GRIK2: variants seen among roughly 807,000 people sequenced by gnomAD.
GRIK2 encodes the protein glutamate ionotropic receptor kainate type subunit 2.
In GRIK2, 32 loss-of-function variants were observed where a neutral mutation model predicts 100.3. That is an observed-to-expected ratio of 0.32 (90% CI 0.24 to 0.43). The LOEUF (loss-of-function observed/expected upper bound fraction) is 0.43. Among genes scored for constraint, GRIK2 ranks in the 20% least tolerant of loss-of-function variants. The pLI is 1.00. For synonymous variants in GRIK2, 417 were observed against 389.4 expected (o/e 1.07, Z -0.83); for missense variants, 843 against 1,114.9 (o/e 0.76, Z 3.47).
intron 7 of GRIK2, among the ~76,000 whole-genome samples, chr6:101,790,478 T>C (rs888077872): frequency 2.3e-4 from 35 of 151,324 alleles, no homozygotes; most frequent in African/African-American, 7.8e-4. Context: ...GTGGTTTTTG[T>C]CTTTGGCTCT....
intron 2 of GRIK2, among the ~76,000 whole-genome samples, chr6:101,444,634 A>G (rs1770261767): frequency 6.6e-6 from 1 of 152,096 alleles, no homozygotes; most frequent in Non-Finnish European, 1.5e-5. Context: ...TTTGTTTATT[A>G]AGTAAAAATT....
intron 2 of GRIK2, among the ~76,000 whole-genome samples, chr6:101,597,873 T>C (rs898688542): frequency 4.6e-5 from 7 of 151,872 alleles, no homozygotes; most frequent in Admixed American, 2.6e-4. Flanking sequence ...GATTCTGTCC[T>C]GCGGTGGCGC....
intron 14 of GRIK2, among the ~76,000 whole-genome samples, chr6:101,940,987 T>C (rs933886901): frequency 1.3e-5 from 2 of 152,170 alleles, no homozygotes; most frequent in Non-Finnish European, 1.5e-5. Flanking sequence ...TTATAGAGCA[T>C]GTGATTTGTG....
chr6:101,761,813 CTTCTT>C (rs1453900480), intron 7 of GRIK2, among the ~76,000 whole-genome samples: 3 of 135,214 alleles, frequency 2.2e-5, no homozygotes, highest in Non-Finnish European at 4.7e-5. Context: ...TCCTTCCTTC[CTTCTT>C]TTCTTTTCTT....
chr6:101,848,515 A>C (rs749166492), intron 10 of GRIK2, among the ~76,000 whole-genome samples: 2 of 152,178 alleles, frequency 1.3e-5, no homozygotes, highest in Middle Eastern at 3.2e-3. Flanking sequence ...AAATTGGTGG[A>C]TGAATGGATG....
chr6:101,715,633 G>A (rs574122029), intron 7 of GRIK2, among the ~76,000 whole-genome samples: 2 of 151,802 alleles, frequency 1.3e-5, no homozygotes, highest in East Asian at 3.9e-4. Flanking sequence ...CTAGGTATGT[G>A]GGAGTTTTTA....
chr6:102,022,397 T>C (rs1769475267), intron 14 of GRIK2, among the ~76,000 whole-genome samples: 1 of 151,726 alleles, frequency 6.6e-6, no homozygotes, highest in South Asian at 2.1e-4. Flanking sequence ...TCTGTGACTA[T>C]ACTTTGAGAG....
chr6:101,661,518 G>A (rs1769610836), intron 4 of GRIK2, among the ~76,000 whole-genome samples: 1 of 151,926 alleles, frequency 6.6e-6, no homozygotes. Context: ...GTGTCACTGT[G>A]GTAAGAAAAA....
At chr6:101,637,256 GT>G (rs1781067075) in intron 4 of GRIK2, among the ~76,000 whole-genome samples, 1 of 151,954 alleles carries the variant, frequency 6.6e-6, no homozygotes, top group Non-Finnish European at 1.5e-5. Flanking sequence ...ATTTTCAGTT[GT>G]TTGTACTGAC....
chr6:101,988,498 T>C (rs1164140901), intron 14 of GRIK2, among the ~76,000 whole-genome samples: 1 of 151,816 alleles, frequency 6.6e-6, no homozygotes, highest in African/African-American at 2.4e-5. Flanking sequence ...CTGCACTGCC[T>C]AAATTGAATT....
intron 2 of GRIK2, among the ~76,000 whole-genome samples, chr6:101,439,734 A>G (rs1051682717): frequency 1.8e-4 from 28 of 152,298 alleles, no homozygotes; most frequent in Middle Eastern, 3.4e-3. Flanking sequence ...GAAAATATCT[A>G]TATAAGATAT....
rs192922257 is a variant in GRIK2 at position 101,459,501 on chromosome 6, C to T, written c.115+60109C>T. On this transcript the variant is annotated intron_variant, in intron 2 of 16. Coordinates refer to ENST00000369134, the MANE Select transcript of GRIK2 (RefSeq NM_021956.5). ...TAGTTCTAGTCATAGACAGAAGCTA[C>T]GCATTTTTTTAGAAGGTACAGCTTA... is the stretch of plus-strand genomic sequence containing the variant. Among the ~76,000 whole-genome samples, 29 of 152,220 alleles carry T rather than the reference C, an allele frequency of 1.9e-4. No individual in the cohort carries two copies. In the East Asian group the frequency reaches 3.3e-3, roughly 17 times the overall value.
intron 2 of GRIK2, among the ~76,000 whole-genome samples, chr6:101,568,926 C>CG (rs1554221173): frequency 1.1e-4 from 17 of 152,016 alleles, no homozygotes; most frequent in African/African-American, 4.1e-4. Flanking sequence ...TTCCTTTTCA[C>CG]ATGAAAATAA....
At chr6:101,706,766 G>T (rs1773327545) in intron 7 of GRIK2, among the ~76,000 whole-genome samples, 1 of 151,876 alleles carries the variant, frequency 6.6e-6, no homozygotes. Flanking sequence ...GTACAGGAAT[G>T]GTCTTGTTCT....
chr6:101,545,801 G>C (rs1294611912), intron 2 of GRIK2, among the ~76,000 whole-genome samples: 6 of 152,094 alleles, frequency 3.9e-5, no homozygotes, highest in African/African-American at 1.4e-4. Flanking sequence ...ATTTTCTAAT[G>C]ATATATTTGA....
chr6:102,043,297 AATTT>A (rs1359625543), intron 15 of GRIK2, among the ~76,000 whole-genome samples: 4 of 151,802 alleles, frequency 2.6e-5, no homozygotes, highest in Non-Finnish European at 4.4e-5. Flanking sequence ...GAACATTTGA[AATTT>A]ATTAGAATTT....
chr6:101,843,418 C>T (rs1286517437), intron 10 of GRIK2, among the ~76,000 whole-genome samples: 4 of 152,156 alleles, frequency 2.6e-5, no homozygotes, highest in African/African-American at 9.7e-5. Context: ...GAGTCATTTT[C>T]CCTCTTCAAA....
intron 14 of GRIK2, among the ~76,000 whole-genome samples, chr6:101,973,745 C>T (rs1023294250): frequency 1.3e-5 from 2 of 151,878 alleles, no homozygotes; most frequent in Non-Finnish European, 2.9e-5. Context: ...CAGTGTTACT[C>T]AAAGTTCATT....
chr6:101,737,560 T>A (rs1163942561), intron 7 of GRIK2, among the ~76,000 whole-genome samples: 1 of 152,080 alleles, frequency 6.6e-6, no homozygotes, highest in Non-Finnish European at 1.5e-5. Context: ...GGAGAGAGAC[T>A]CGCCCCAATG....
Sources: gnomAD v4.1 joint callset for allele counts (sites outside exome capture counted in the v4.1 genomes callset) on GRCh38, gnomAD v4.1.1 for gene constraint, MANE v1.5 for transcripts, NCBI Gene and HGNC (gene_info 2026-07-23, HGNC 2026-07-21) for gene names.